PEX3: variants seen among roughly 807,000 people sequenced by gnomAD.
The protein encoded by PEX3 is peroxin-3.
PEX3 carries 30 observed loss-of-function variants against 55.8 expected under a neutral mutation model. That is an observed-to-expected ratio of 0.54 (90% CI 0.40 to 0.73). PEX3 has a LOEUF of 0.73. Among genes scored for constraint, PEX3 ranks in the 30% least tolerant of loss-of-function variants. The pLI is 0.00. For synonymous variants in PEX3, 135 were observed against 148.4 expected (o/e 0.91, Z 0.66); for missense variants, 351 against 432.8 (o/e 0.81, Z 1.68).
At position 143,471,080 on chromosome 6, in the gene PEX3, G is replaced by A. The variant is rs368648805; in HGVS notation, c.451G>A (p.Gly151Ser). The stretch of plus-strand genomic sequence containing the variant: ...GGATAATGCAGCAGTTGGCAAAAAT[G>A]GCACTGTAAGTTTAATAGACTTAAA... ...YLDNAAVGKN[G>S]TTILAPPDVQ... Residue 151 changes from glycine to serine, a missense_variant, in exon 5 of 12, where the codon GGC becomes AGC. By Grantham distance (56) the Gly-to-Ser change is moderately conservative. Transcript: ENST00000367591. The surrounding 1 kb of genome is among the most constrained non-coding windows in gnomAD (Gnocchi z 5.4). 6 of 1,613,324 alleles carry A rather than the reference G, an allele frequency of 3.7e-6. No homozygotes were observed. The highest frequency in any genetic ancestry group is 3.3e-5 in the Admixed American group (2 of 60,006).
intron 2 of PEX3, among the ~76,000 whole-genome samples, chr6:143,460,486 C>G (rs1044643166): frequency 6.6e-6 from 1 of 152,110 alleles, no homozygotes; most frequent in Non-Finnish European, 1.5e-5. Flanking sequence ...TTACATTTAG[C>G]ATTCAATATA....
At chr6:143,461,023 A>T (rs761228705) in intron 2 of PEX3, among the ~76,000 whole-genome samples, 2 of 152,154 alleles carry the variant, frequency 1.3e-5, no homozygotes, top group Non-Finnish European at 2.9e-5. Context: ...CCTGTAAAGG[A>T]TAAAGGGGAA....
In PEX3 at chr6:143,482,632, T is replaced by G. The variant is rs1780257146; in HGVS notation, c.942-2520T>G. 6.6e-6 allele frequency among the ~76,000 whole-genome samples: 1 copy of G among 151,830 alleles called. No individual in the cohort carries two copies. The highest frequency in any genetic ancestry group is 6.6e-5 in the Admixed American group (1 of 15,240). On this transcript the variant is annotated intron_variant, in intron 10 of 11. Coordinates refer to ENST00000367591, the MANE Select transcript of PEX3 (RefSeq NM_003630.3). This position sits in a 1 kb window ranked among gnomAD's most constrained non-coding sequence, Gnocchi z 5.5. ...TTCCTATATAATATATAATATAAGG[T>G]ATAATTATTGTTACTCATAAAATAA...
Position 143,466,748 on chromosome 6 carries a change from C to A in PEX3, c.288-1374C>A, listed in dbSNP as rs1272924105. 6.6e-6 allele frequency among the ~76,000 whole-genome samples: 1 copy of A among 151,782 alleles called. No individual in the cohort carries two copies. Among genetic ancestry groups the A allele is most frequent in the Non-Finnish European group, 1.5e-5 (1 of 67,870 alleles). ...AAAGAAAAATGTGTATAATATTTTT[C>A]ACTTATCTAAGGGGGCAGATATAAA... On this transcript the variant is annotated intron_variant, in intron 3 of 11. Coordinates refer to ENST00000367591, the MANE Select transcript of PEX3 (RefSeq NM_003630.3). The surrounding 1 kb of genome is among the most constrained non-coding windows in gnomAD (Gnocchi z 5.4).
chr6:143,453,122 C>T lies in PEX3; in HGVS notation c.73+2007C>T, dbSNP rs146788785. Reference sequence around the variant, plus strand: ...TCTATTTCCATATTATATCACTGTGCTTTCATGGCCTTTATAGTCTGATAG... The same window carrying T: ...TCTATTTCCATATTATATCACTGTGTTTTCATGGCCTTTATAGTCTGATAG... On this transcript the variant is annotated intron_variant, in intron 1 of 11. Transcript: ENST00000367591. This position sits in a 1 kb window ranked among gnomAD's most constrained non-coding sequence, Gnocchi z 4.6. 2.0e-4 allele frequency among the ~76,000 whole-genome samples: 30 copies of T among 152,184 alleles called. No homozygotes were observed. Among genetic ancestry groups the T allele is most frequent in the African/African-American group, 6.7e-4 (28 of 41,504 alleles).
rs2128748334 is a variant in PEX3, at chr6:143,488,734, C to G, written c.1039-409C>G. Among the ~76,000 whole-genome samples, 1 of 152,124 alleles carries G rather than the reference C, an allele frequency of 6.6e-6. No individual in the cohort carries two copies. The highest frequency in any genetic ancestry group is 6.6e-5 in the Admixed American group (1 of 15,264). On this transcript the variant is annotated intron_variant, in intron 11 of 11. Transcript: ENST00000367591. The surrounding 1 kb of genome is among the most constrained non-coding windows in gnomAD (Gnocchi z 4.9). ...TGTATGTGTGTATATGTAAAATATG[C>G]ACTTACTACACATATTCATACCGTA...
chr6:143,457,051 A>G (rs1779856947), intron 1 of PEX3, among the ~76,000 whole-genome samples: 1 of 152,228 alleles, frequency 6.6e-6, no homozygotes, highest in Admixed American at 6.5e-5. Context: ...GAAACACACC[A>G]ATCAAATTTA....
rs1780160406 is a variant in PEX3 at position 143,476,902 on chromosome 6, T to G, written c.818+2046T>G. Among the ~76,000 whole-genome samples, 2 of 152,060 alleles carry G rather than the reference T, an allele frequency of 1.3e-5. No homozygotes were observed. The highest frequency in any genetic ancestry group is 2.1e-4 in the South Asian group (1 of 4,816). ...ACTAAGTCATAGAGCAGTCCAACAT[T>G]TAGAGTTTGGGATCGGGGGAAGAGC... is the stretch of plus-strand genomic sequence containing the variant. On this transcript the variant is annotated intron_variant, in intron 9 of 11. Transcript: ENST00000367591. This position sits in a 1 kb window ranked among gnomAD's most constrained non-coding sequence, Gnocchi z 5.4.
intron 4 of PEX3, among the ~76,000 whole-genome samples, chr6:143,469,610 C>G (rs1019916403): frequency 6.6e-6 from 1 of 152,132 alleles, no homozygotes; most frequent in African/African-American, 2.4e-5. Flanking sequence ...TAAAAATTTT[C>G]TCCCATTCTG....
Position 143,485,262 on chromosome 6 carries a change from T to C in PEX3, c.1038+14T>C, listed in dbSNP as rs1467503513. On this transcript the variant is annotated intron_variant, in intron 11 of 11. Transcript: ENST00000367591. The surrounding 1 kb of genome is among the most constrained non-coding windows in gnomAD (Gnocchi z 5.6). Reference sequence around the variant, plus strand: ...CATTTTGTTCAGGTAAGAAGAAAGCTTGGGAGTGTTATTAAAAGCAAATTA... The same window carrying C: ...CATTTTGTTCAGGTAAGAAGAAAGCCTGGGAGTGTTATTAAAAGCAAATTA... 2 of 1,400,152 alleles carry C rather than the reference T, an allele frequency of 1.4e-6. No homozygotes were observed. Among genetic ancestry groups the C allele is most frequent in the African/African-American group, 1.4e-5 (1 of 70,782 alleles). 86.7% of individuals were successfully genotyped at this position (1,400,152 alleles called of 1,614,324 possible).
At chr6:143,455,096 T>G (rs1779825092) in intron 1 of PEX3, among the ~76,000 whole-genome samples, 6 of 152,222 alleles carry the variant, frequency 3.9e-5, no homozygotes, top group Admixed American at 3.9e-4. Context: ...CAGCAAATAT[T>G]TATTGCGTTC....
rs1368898060 is a variant in PEX3 at position 143,486,320 on chromosome 6, AG to A, written c.1038+1073del. Among the ~76,000 whole-genome samples the A allele has an allele frequency of 2.0e-5, 3 of 152,172 alleles. No individual in the cohort carries two copies. Among genetic ancestry groups the A allele is most frequent in the Non-Finnish European group, 4.4e-5 (3 of 68,018 alleles). On this transcript the variant is annotated intron_variant, in intron 11 of 11. Transcript: ENST00000367591. This position sits in a 1 kb window ranked among gnomAD's most constrained non-coding sequence, Gnocchi z 5.0. The stretch of plus-strand genomic sequence containing the variant: ...TACCTTTACCTTTGTCCTCTTCTGT[AG>A]AAGTCCCTGGCTTGGCCAGTAGGCT...
chr6:143,462,896 T>C lies in PEX3; in HGVS notation c.206-20T>C. On this transcript the variant is annotated intron_variant, in intron 2 of 11. Transcript: ENST00000367591. The surrounding 1 kb of genome is among the most constrained non-coding windows in gnomAD (Gnocchi z 4.1). ...TCATATCACTTGTGACCTTTTTTAT[T>C]TTTTTTGTTTGTATTACAGTGCTGT... 1.4e-6 allele frequency: 2 copies of C among 1,459,298 alleles called. No individual in the cohort carries two copies. Among genetic ancestry groups the C allele is most frequent in the African/African-American group, 2.8e-5 (1 of 35,094 alleles). 90.4% of individuals were successfully genotyped at this position (1,459,298 alleles called of 1,614,324 possible).
rs1780206843 is a variant in PEX3 at position 143,479,794 on chromosome 6, G to A, written c.941+596G>A. Among the ~76,000 whole-genome samples the A allele has an allele frequency of 6.6e-6, 1 of 151,836 alleles. No homozygotes were observed. Among genetic ancestry groups the A allele is most frequent in the South Asian group, 2.1e-4 (1 of 4,824 alleles). ...GTATCTTACGGTTTTTTATATCTTT[G>A]TTATCCCAACACAAATATCTTTGGT... On this transcript the variant is annotated intron_variant, in intron 10 of 11. Transcript: ENST00000367591. This position sits in a 1 kb window ranked among gnomAD's most constrained non-coding sequence, Gnocchi z 4.6.
rs1779775581 is a variant in PEX3 at position 143,451,966 on chromosome 6, G to A, written c.73+851G>A. On this transcript the variant is annotated intron_variant, in intron 1 of 11. Coordinates refer to ENST00000367591, the MANE Select transcript of PEX3 (RefSeq NM_003630.3). The surrounding 1 kb of genome is among the most constrained non-coding windows in gnomAD (Gnocchi z 4.1). ...TTAGAACTTGAGTTTTTGAGAAATA[G>A]TCTCATCACTTATTACATGCTATGT... Among the ~76,000 whole-genome samples the A allele has an allele frequency of 6.6e-6, 1 of 152,208 alleles. No homozygotes were observed. The highest frequency in any genetic ancestry group is 2.1e-4 in the South Asian group (1 of 4,836).
At chr6:143,456,007 A>T (rs894116493) in intron 1 of PEX3, among the ~76,000 whole-genome samples, 15 of 152,228 alleles carry the variant, frequency 9.9e-5, no homozygotes, top group African/African-American at 3.6e-4. Context: ...TTGTGGAAAG[A>T]CTAGAAGTCT....
rs986939019 is a variant in PEX3 at position 143,462,565 on chromosome 6, A to C, written c.206-351A>C. Among the ~76,000 whole-genome samples, 1 of 152,220 alleles carries C rather than the reference A, an allele frequency of 6.6e-6. No individual in the cohort carries two copies. Among genetic ancestry groups the C allele is most frequent in the Non-Finnish European group, 1.5e-5 (1 of 68,034 alleles). On this transcript the variant is annotated intron_variant, in intron 2 of 11. Transcript: ENST00000367591. The surrounding 1 kb of genome is among the most constrained non-coding windows in gnomAD (Gnocchi z 4.1). The stretch of plus-strand genomic sequence containing the variant: ...TCAGAAGTAAACACTTTTGTAAAAA[A>C]TTTGGAGAGTATGGAAAAGAAAAAA...
intron 10 of PEX3, among the ~76,000 whole-genome samples, chr6:143,481,017 C>CA (rs905001061): frequency 6.8e-6 from 1 of 148,078 alleles, no homozygotes; most frequent in Non-Finnish European, 1.5e-5. Flanking sequence ...CCTGCCCCCC[C>CA]AAAAAAAGAA....
Position 143,488,703 on chromosome 6 carries a change from G to A in PEX3, c.1039-440G>A, listed in dbSNP as rs1366000895. The stretch of plus-strand genomic sequence containing the variant: ...CCCTTACACTATAGTGTATATGTGT[G>A]GTTCATGTATGTGTGTATATGTAAA... On this transcript the variant is annotated intron_variant, in intron 11 of 11. Coordinates refer to ENST00000367591, the MANE Select transcript of PEX3 (RefSeq NM_003630.3). This position sits in a 1 kb window ranked among gnomAD's most constrained non-coding sequence, Gnocchi z 4.9. Among the ~76,000 whole-genome samples the A allele has an allele frequency of 6.6e-6, 1 of 152,022 alleles. No homozygotes were observed.
Sources: allele counts gnomAD v4.1 joint callset (sites outside exome capture counted in the v4.1 genomes callset), GRCh38; gene constraint gnomAD v4.1.1; non-coding constraint Gnocchi (gnomAD v3.1); transcripts MANE v1.5; gene names NCBI Gene and HGNC (gene_info 2026-07-23, HGNC 2026-07-21).